The following IRF2BP1 variants were observed in gnomAD, a reference collection of about 807,000 sequenced individuals.
The protein encoded by IRF2BP1 is interferon regulatory factor 2-binding protein 1.
Under a neutral mutation model 38.6 loss-of-function variants are expected in IRF2BP1, and 9 were observed. The ratio of observed to expected loss-of-function variants is 0.23; its 90% CI spans 0.14 to 0.41. The LOEUF (loss-of-function observed/expected upper bound fraction) is 0.41. Among genes scored for constraint, IRF2BP1 ranks in the 10% least tolerant of loss-of-function variants. The pLI is 1.00. For synonymous variants in IRF2BP1, 416 were observed against 383.4 expected (o/e 1.08, Z -0.99); for missense variants, 631 against 829.6 (o/e 0.76, Z 2.94).
Position 45,884,215 on chromosome 19 carries a change from C to A in IRF2BP1, c.1560G>T (p.Ser520=). ...GAAAGCAGAACTTGTGTCCGGGCAC[C>A]GAGGGGCACTGGACGAAGTGGGTGT... ...LEDTHFVQCP[S]VPGHKFCFPC... The change falls in exon 1 of 1, where the codon TCG becomes TCT. Residue 520 remains serine, a synonymous_variant. Transcript: ENST00000302165. 6.2e-7 allele frequency: 1 copy of A among 1,611,774 alleles called. No individual in the cohort carries two copies.
rs1967017517 is a variant in IRF2BP1 at position 45,883,675 on chromosome 19, T to A, written c.*345A>T. On this transcript the variant is annotated 3_prime_UTR_variant, in exon 1 of 1. Transcript: ENST00000302165. ...GGAGCGGGGGGTGGGGGGGTGGGAA[T>A]TAAATGCTTTTGCCTCGTTTATAAA... The A allele has an allele frequency of 9.0e-6, 2 of 223,414 alleles. No homozygotes were observed. Among genetic ancestry groups the A allele is most frequent in the East Asian group, 1.8e-4 (2 of 10,848 alleles). The allele number at this position is 223,414 out of a possible 1,614,324, so 13.8% of individuals were successfully genotyped here. A position where few individuals can be genotyped will look rare whatever the true frequency, so the allele number is the denominator to read the frequency against.
In IRF2BP1 at chr19:45,886,070, C is replaced by T; in HGVS notation, c.-296G>A. 1 of 251,310 alleles carries T rather than the reference C, an allele frequency of 4.0e-6. No homozygotes were observed. Among genetic ancestry groups the T allele is most frequent in the Non-Finnish European group, 7.6e-6 (1 of 131,914 alleles). 15.6% of individuals were successfully genotyped at this position (251,310 alleles called of 1,614,324 possible). The stretch of plus-strand genomic sequence containing the variant: ...GCCCCACGATGGGCCGCGAGCGCCG[C>T]CGCCTCGGGCTCCCGCCGCTCTCGC... On this transcript the variant is annotated 5_prime_UTR_variant, in exon 1 of 1. Coordinates refer to ENST00000302165, the MANE Select transcript of IRF2BP1 (RefSeq NM_015649.3).
Position 45,884,358 on chromosome 19 carries a change from C to T in IRF2BP1, c.1417G>A (p.Gly473Ser). The part of the protein sequence containing the change: ...PTQHRLVARN[G>S]EAEVSPTAGA... ...GCTGTGGGACTGACTTCTGCTTCGC[C>T]GTTGCGGGCCACAAGGCGATGCTGG... is the stretch of plus-strand genomic sequence containing the variant. The change falls in exon 1 of 1, where the codon GGC becomes AGC. Residue 473 changes from glycine to serine, a missense_variant. Transcript: ENST00000302165. The T allele has an allele frequency of 6.2e-7, 1 of 1,608,098 alleles. No individual in the cohort carries two copies. The highest frequency in any genetic ancestry group is 8.5e-7 in the Non-Finnish European group (1 of 1,179,056).
At position 45,885,748 on chromosome 19, in the gene IRF2BP1, G is replaced by A. The variant is rs770729815; in HGVS notation, c.27C>T (p.Arg9=). 5.7e-6 allele frequency: 9 copies of A among 1,579,916 alleles called. No individual in the cohort carries two copies. In the South Asian group the frequency reaches 1.0e-4, roughly 18 times the overall value. The part of the protein sequence containing the change: MASVQASR[R]QWCYLCDLPK... ...GCAGGTCGCACAGGTAGCACCACTG[G>A]CGGCGGGACGCCTGCACAGACGCCA... Residue 9 remains arginine (R), a synonymous_variant, in exon 1 of 1, where the codon CGC becomes CGT. Transcript: ENST00000302165.
Position 45,885,758 on chromosome 19 carries a change from G to A in IRF2BP1, c.17C>T (p.Ala6Val). The A allele has an allele frequency of 6.4e-7, 1 of 1,573,168 alleles. No individual in the cohort carries two copies. Among genetic ancestry groups the A allele is most frequent in the Non-Finnish European group, 8.6e-7 (1 of 1,169,196 alleles). Residue 6 changes from alanine to valine, a missense_variant, in exon 1 of 1, where the codon GCG (alanine) becomes GTG (valine). Around this residue, in one of 5 missense-constraint regions of IRF2BP1, gnomAD observed 33 missense variants for 66.8 expected, o/e 0.49. Transcript: ENST00000302165. MASVQ[A>V]SRRQWCYLCD... ...CAGGTAGCACCACTGGCGGCGGGACGCCTGCACAGACGCCATGGCCCCAGT... is the reference window on the plus strand; with the variant it reads ...CAGGTAGCACCACTGGCGGCGGGACACCTGCACAGACGCCATGGCCCCAGT...
Position 45,885,513 on chromosome 19 carries a change from G to T in IRF2BP1, c.262C>A (p.Pro88Thr). The change falls in exon 1 of 1, where the codon CCC (proline) becomes ACC (threonine). Residue 88 changes from proline to threonine, a missense_variant. Physicochemically the swap from Pro to Thr is conservative, Grantham distance 38. This residue lies in a region of IRF2BP1 where 206 missense variants were observed against 207.0 expected (regional missense o/e 1.00). Coordinates refer to ENST00000302165, the MANE Select transcript of IRF2BP1 (RefSeq NM_015649.3). ...KDLAAAAAQG[P>T]QLPPPQAQPQ... is the part of the protein sequence containing the mutation. ...TGGGCCTGCGGGGGCGGCAGCTGGG[G>T]CCCCTGTGCGGCTGCCGCCGCCAGG... is the stretch of plus-strand genomic sequence containing the variant. 11 of 1,425,414 alleles carry T rather than the reference G, an allele frequency of 7.7e-6. No homozygotes were observed. The highest frequency in any genetic ancestry group is 1.0e-5 in the Non-Finnish European group (11 of 1,098,772). 88.3% of individuals were successfully genotyped at this position (1,425,414 alleles called of 1,614,324 possible).
chr19:45,885,125 C>A lies in IRF2BP1; in HGVS notation c.650G>T (p.Gly217Val). Residue 217 changes from glycine to valine, a missense_variant, in exon 1 of 1, where the codon GGC becomes GTC. By Grantham distance (109) the Gly-to-Val change is moderately radical. This residue lies in a region of IRF2BP1 where 133 missense variants were observed against 232.2 expected (regional missense o/e 0.57). Coordinates refer to ENST00000302165, the MANE Select transcript of IRF2BP1 (RefSeq NM_015649.3). ...GCGCCCGTGCCATTCCTCTGCCCGG[C>A]CTCGCATGGCCTCGTTCAGTTCTGC... ...CLAELNEAMR[G>V]RAEEWHGRPK... 1 of 1,611,176 alleles carries A rather than the reference C, an allele frequency of 6.2e-7. No homozygotes were observed. The highest frequency in any genetic ancestry group is 8.5e-7 in the Non-Finnish European group (1 of 1,180,022).
rs951626742 is a variant in IRF2BP1 at position 45,884,043 on chromosome 19, C to T, written c.1732G>A (p.Val578Ile). The change falls in exon 1 of 1, where the codon GTT (valine) becomes ATT (isoleucine). Residue 578 changes from valine (V) to isoleucine (I), a missense_variant. Physicochemically the swap from Val to Ile is conservative, Grantham distance 29. Coordinates refer to ENST00000302165, the MANE Select transcript of IRF2BP1 (RefSeq NM_015649.3). ...GCCTAGGGGTCCCGTTCTTTCTTAA[C>T]TTTGATGTCTCCAGCAAGGATGGTG... is the stretch of plus-strand genomic sequence containing the variant. ...IATILAGDIK[V>I]KKERDP 1.3e-6 allele frequency: 2 copies of T among 1,584,014 alleles called. No homozygotes were observed. Among genetic ancestry groups the T allele is most frequent in the Non-Finnish European group, 1.7e-6 (2 of 1,160,814 alleles).
chr19:45,885,499 G>T lies in IRF2BP1; in HGVS notation c.276C>A (p.Pro92=). ...AAAAQGPQLP[P]PQAQPQPSGT... ...CTGACGGCTGGGGCTGGGCCTGCGG[G>T]GGCGGCAGCTGGGGCCCCTGTGCGG... The change falls in exon 1 of 1, where the codon CCC becomes CCA. Residue 92 remains proline, a synonymous_variant. Coordinates refer to ENST00000302165, the MANE Select transcript of IRF2BP1 (RefSeq NM_015649.3). The T allele has an allele frequency of 1.4e-6, 2 of 1,439,734 alleles. No individual in the cohort carries two copies. Among genetic ancestry groups the T allele is most frequent in the Non-Finnish European group, 1.8e-6 (2 of 1,104,246 alleles). The allele number at this position is 1,439,734 out of a possible 1,614,324, so 89.2% of individuals were successfully genotyped here. A position where few individuals can be genotyped will look rare whatever the true frequency, so the allele number is the denominator to read the frequency against.
At position 45,885,313 on chromosome 19, in the gene IRF2BP1, C is replaced by A. The variant is rs541129993; in HGVS notation, c.462G>T (p.Leu154Phe). 1 of 1,605,274 alleles carries A rather than the reference C, an allele frequency of 6.2e-7. No homozygotes were observed. Among genetic ancestry groups the A allele is most frequent in the Admixed American group, 1.7e-5 (1 of 59,996 alleles). Reference sequence around the variant, plus strand: ...GCATCAAGCCAGGCATGGAGCCAAGCAAGGCCCTTCGCGCCCCCTCAGCCA... The same window carrying A: ...GCATCAAGCCAGGCATGGAGCCAAGAAAGGCCCTTCGCGCCCCCTCAGCCA... ...EAVAEGARRA[L>F]LGSMPGLMPP... Residue 154 changes from leucine (L) to phenylalanine (F), a missense_variant, in exon 1 of 1, where the codon TTG (leucine) becomes TTT (phenylalanine). Physicochemically the swap from Leu to Phe is conservative, Grantham distance 22. Around this residue, in one of 5 missense-constraint regions of IRF2BP1, gnomAD observed 206 missense variants for 207.0 expected, o/e 1.00. Coordinates refer to ENST00000302165, the MANE Select transcript of IRF2BP1 (RefSeq NM_015649.3).
At position 45,884,498 on chromosome 19, in the gene IRF2BP1, A is replaced by T; in HGVS notation, c.1277T>A (p.Leu426Gln). Residue 426 changes from leucine to glutamine, a missense_variant, in exon 1 of 1, where the codon CTG becomes CAG. Around this residue, in one of 5 missense-constraint regions of IRF2BP1, gnomAD observed 201 missense variants for 215.3 expected, o/e 0.93. Transcript: ENST00000302165. ...GCCCAGGGCTTCGGCCACATTCTTC[A>T]GGGCGGCAATGGGCGAGGGCACACC... The part of the protein sequence containing the change: ...TPGVPSPIAA[L>Q]KNVAEALGHS... 1 of 1,600,304 alleles carries T rather than the reference A, an allele frequency of 6.2e-7. No individual in the cohort carries two copies. The highest frequency in any genetic ancestry group is 8.5e-7 in the Non-Finnish European group (1 of 1,179,422).
chr19:45,884,456 G>A lies in IRF2BP1; in HGVS notation c.1319C>T (p.Pro440Leu), dbSNP rs1464377799. ...ACGCACAGGCCCCCCGCCTCCGCCA[G>A]GGTCCTTGGGTGAGTGGCCCAGGGC... ...AEALGHSPKD[P>L]GGGGGPVRAG... Residue 440 changes from proline (P) to leucine (L), a missense_variant, in exon 1 of 1, where the codon CCT becomes CTT. By Grantham distance (98) the Pro-to-Leu change is moderately conservative. Around this residue, in one of 5 missense-constraint regions of IRF2BP1, gnomAD observed 201 missense variants for 215.3 expected, o/e 0.93. Coordinates refer to ENST00000302165, the MANE Select transcript of IRF2BP1 (RefSeq NM_015649.3). 6.3e-7 allele frequency: 1 copy of A among 1,598,998 alleles called. No individual in the cohort carries two copies. The highest frequency in any genetic ancestry group is 8.5e-7 in the Non-Finnish European group (1 of 1,178,186).
Position 45,885,355 on chromosome 19 carries a change from C to T in IRF2BP1, c.420G>A (p.Leu140=), listed in dbSNP as rs764874135. ...CCTCAGCCACGGCCTCCTCACGGCC[C>T]AGCCCATTGGCCAGGCGGGACCCCA... ...YTLGSRLANG[L]GREEAVAEGA... Residue 140 remains leucine (L), a synonymous_variant, in exon 1 of 1, where the codon CTG becomes CTA. Coordinates refer to ENST00000302165, the MANE Select transcript of IRF2BP1 (RefSeq NM_015649.3). The T allele has an allele frequency of 6.2e-7, 1 of 1,608,734 alleles. No homozygotes were observed. The highest frequency in any genetic ancestry group is 8.5e-7 in the Non-Finnish European group (1 of 1,179,650).
Position 45,885,118 on chromosome 19 carries a change from T to G in IRF2BP1, c.657A>C (p.Ala219=). 1 of 1,611,660 alleles carries G rather than the reference T, an allele frequency of 6.2e-7. No individual in the cohort carries two copies. ...AELNEAMRGR[A]EEWHGRPKAV... ...CTTTGGGGCGCCCGTGCCATTCCTCTGCCCGGCCTCGCATGGCCTCGTTCA... is the reference window on the plus strand; with the variant it reads ...CTTTGGGGCGCCCGTGCCATTCCTCGGCCCGGCCTCGCATGGCCTCGTTCA... Residue 219 remains alanine (A), a synonymous_variant, in exon 1 of 1, where the codon GCA becomes GCC. Coordinates refer to ENST00000302165, the MANE Select transcript of IRF2BP1 (RefSeq NM_015649.3).
Position 45,886,055 on chromosome 19 carries a change from G to A in IRF2BP1, c.-281C>T, listed in dbSNP as rs893727361. 7.2e-5 allele frequency: 21 copies of A among 293,524 alleles called. No individual in the cohort carries two copies. The highest frequency in any genetic ancestry group is 1.1e-4 in the Non-Finnish European group (18 of 159,008). 18.2% of individuals were successfully genotyped at this position (293,524 alleles called of 1,614,324 possible). ...AGGCGCACAGCTCGGGCCCCACGAT[G>A]GGCCGCGAGCGCCGCCGCCTCGGGC... On this transcript the variant is annotated 5_prime_UTR_variant, in exon 1 of 1. Coordinates refer to ENST00000302165, the MANE Select transcript of IRF2BP1 (RefSeq NM_015649.3).
chr19:45,884,464 G>A lies in IRF2BP1; in HGVS notation c.1311C>T (p.Pro437=), dbSNP rs1967028994. The A allele has an allele frequency of 1.3e-6, 2 of 1,599,904 alleles. No homozygotes were observed. The highest frequency in any genetic ancestry group is 1.7e-6 in the Non-Finnish European group (2 of 1,178,810). Residue 437 remains proline, a synonymous_variant, in exon 1 of 1, where the codon CCC becomes CCT. Coordinates refer to ENST00000302165, the MANE Select transcript of IRF2BP1 (RefSeq NM_015649.3). ...GCCCCCCGCCTCCGCCAGGGTCCTTGGGTGAGTGGCCCAGGGCTTCGGCCA... is the reference window on the plus strand; with the variant it reads ...GCCCCCCGCCTCCGCCAGGGTCCTTAGGTGAGTGGCCCAGGGCTTCGGCCA... ...KNVAEALGHS[P]KDPGGGGGPV...
At position 45,885,524 on chromosome 19, in the gene IRF2BP1, G is replaced by A. The variant is rs1967044383; in HGVS notation, c.251C>T (p.Ala84Val). Reference sequence around the variant, plus strand: ...GGGCGGCAGCTGGGGCCCCTGTGCGGCTGCCGCCGCCAGGTCCTTGGTGGC... The same window carrying A: ...GGGCGGCAGCTGGGGCCCCTGTGCGACTGCCGCCGCCAGGTCCTTGGTGGC... ...HPATKDLAAAAAQGPQLPPPQ... is the reference protein window; with the variant it reads ...HPATKDLAAAVAQGPQLPPPQ... Residue 84 changes from alanine (A) to valine (V), a missense_variant, in exon 1 of 1, where the codon GCC becomes GTC. By Grantham distance (64) the Ala-to-Val change is moderately conservative. This residue lies in a region of IRF2BP1 where 206 missense variants were observed against 207.0 expected (regional missense o/e 1.00). Coordinates refer to ENST00000302165, the MANE Select transcript of IRF2BP1 (RefSeq NM_015649.3). 4 of 1,419,224 alleles carry A rather than the reference G, an allele frequency of 2.8e-6. No homozygotes were observed. Among genetic ancestry groups the A allele is most frequent in the Non-Finnish European group, 2.7e-6 (3 of 1,096,020 alleles). The allele number at this position is 1,419,224 out of a possible 1,614,324, so 87.9% of individuals were successfully genotyped here.
rs1967018519 is a variant in IRF2BP1 at position 45,883,766 on chromosome 19, CAGCAA to C, written c.*249_*253del. On this transcript the variant is annotated 3_prime_UTR_variant, in exon 1 of 1. Transcript: ENST00000302165. Reference sequence around the variant, plus strand: ...GCACCTCTCCCCCAACTACAAGCAGCAGCAAAGCCAAGCCAAGGAGGACAGAGGGA... The same window carrying C: ...GCACCTCTCCCCCAACTACAAGCAGCAGCCAAGCCAAGGAGGACAGAGGGA... The C allele has an allele frequency of 2.5e-6, 1 of 396,720 alleles. No individual in the cohort carries two copies. Among genetic ancestry groups the C allele is most frequent in the Admixed American group, 4.1e-5 (1 of 24,540 alleles). 24.6% of individuals were successfully genotyped at this position (396,720 alleles called of 1,614,324 possible).
Position 45,883,957 on chromosome 19 carries a change from TTTATCCGCGGC to T in IRF2BP1, c.*52_*62del. 2 of 1,437,434 alleles carry T rather than the reference TTTATCCGCGGC, an allele frequency of 1.4e-6. No homozygotes were observed. Among genetic ancestry groups the T allele is most frequent in the South Asian group, 2.7e-5 (2 of 72,888 alleles). 89.0% of individuals were successfully genotyped at this position (1,437,434 alleles called of 1,614,324 possible). On this transcript the variant is annotated 3_prime_UTR_variant, in exon 1 of 1. Transcript: ENST00000302165. ...CTGGGCTGGGTCGGGGAGGGAATAA[TTTATCCGCGGC>T]AGCGGTGGGTGGCAAAGGGGCAGAG... is the stretch of plus-strand genomic sequence containing the variant.
Sources: gnomAD v4.1 joint callset for allele counts on GRCh38, gnomAD v4.1.1 for gene constraint, gnomAD v4.1.1 regional missense constraint, MANE v1.5 for transcripts, NCBI Gene and HGNC (gene_info 2026-07-23, HGNC 2026-07-21) for gene names.